CIMIP7: variants seen among roughly 807,000 people sequenced by gnomAD.
CIMIP7 encodes uncharacterized protein C3orf84.
chr3:49,181,645 A>G, the CIMIP7 span, among the ~76,000 whole-genome samples: 2 of 152,208 alleles, frequency 1.3e-5, no homozygotes, highest in African/African-American at 4.8e-5. Flanking sequence ...AGACTGGGAG[A>G]AAATATTTAT....
At chr3:49,181,722 G>A in the CIMIP7 span, among the ~76,000 whole-genome samples, 1 of 152,200 alleles carries the variant, frequency 6.6e-6, no homozygotes, top group Non-Finnish European at 1.5e-5. Context: ...TAAAATCACA[G>A]TCTAATTAGA....
chr3:49,185,132 A>C, the CIMIP7 span, among the ~76,000 whole-genome samples: 2 of 151,754 alleles, frequency 1.3e-5, no homozygotes, highest in African/African-American at 4.8e-5. Context: ...GTGGTGGTGC[A>C]TGCCTGTAAT....
At chr3:49,180,942 A>G in the CIMIP7 span, among the ~76,000 whole-genome samples, 1 of 151,242 alleles carries the variant, frequency 6.6e-6, no homozygotes, top group African/African-American at 2.4e-5. Flanking sequence ...AAAAAAAAAA[A>G]AAAAAAAAAG....
chr3:49,178,498 C>A, the CIMIP7 span: 19 of 1,613,650 alleles, frequency 1.2e-5, no homozygotes, highest in Non-Finnish European at 1.5e-5. Flanking sequence ...AAAGGAAGTA[C>A]GGTTGTCGTG....
At chr3:49,189,938 A>G in the CIMIP7 span, 2 of 950,766 alleles carry the variant, frequency 2.1e-6, no homozygotes, top group South Asian at 1.3e-5. Flanking sequence ...CAGTACAGCC[A>G]TGGAAGGGCT....
chr3:49,183,484 C>T, the CIMIP7 span, among the ~76,000 whole-genome samples: 2 of 152,196 alleles, frequency 1.3e-5, no homozygotes, highest in African/African-American at 4.8e-5. Flanking sequence ...GAGTTCAAGA[C>T]CAGCCTGGCC....
the CIMIP7 span, among the ~76,000 whole-genome samples, chr3:49,186,762 G>A: frequency 7.2e-5 from 11 of 151,978 alleles, no homozygotes; most frequent in Non-Finnish European, 1.5e-4. Context: ...ACGCACGCAC[G>A]CAGAAGTAAA....
At chr3:49,178,153 T>C in the CIMIP7 span, 2 of 1,145,980 alleles carry the variant, frequency 1.7e-6, no homozygotes, top group Non-Finnish European at 2.4e-6. Flanking sequence ...GTCCTATGCC[T>C]GGCTGTCTTG....
chr3:49,180,743 T>A, the CIMIP7 span, among the ~76,000 whole-genome samples: 1,445 of 142,470 alleles, frequency 0.01, 9 homozygotes, highest in African/African-American at 0.023. Context: ...ATCCTGGCTA[T>A]CATGGTGAAA....
At chr3:49,177,738 A>G in the CIMIP7 span, 2 of 1,609,694 alleles carry the variant, frequency 1.2e-6, no homozygotes, top group East Asian at 4.5e-5. Flanking sequence ...CTGGGAGGTC[A>G]GGCAGTACGT....
At chr3:49,185,995 A>G in the CIMIP7 span, among the ~76,000 whole-genome samples, 1 of 143,898 alleles carries the variant, frequency 6.9e-6, no homozygotes, top group East Asian at 2.0e-4. Context: ...ATAATTTTAT[A>G]GCTCTTTTTT....
At chr3:49,182,932 G>A in the CIMIP7 span, among the ~76,000 whole-genome samples, 1 of 152,202 alleles carries the variant, frequency 6.6e-6, no homozygotes, top group Non-Finnish European at 1.5e-5. Flanking sequence ...CTGAGCCCAT[G>A]CCCACCCGGA....
chr3:49,190,097 C>G, the CIMIP7 span: 1 of 1,609,802 alleles, frequency 6.2e-7, no homozygotes, highest in Non-Finnish European at 8.5e-7. Flanking sequence ...CACTTTCACT[C>G]TTGAATTGGC....
chr3:49,190,169 C>T, the CIMIP7 span: 2 of 1,497,662 alleles, frequency 1.3e-6, no homozygotes, highest in Admixed American at 3.6e-5. Flanking sequence ...GGATAAAACT[C>T]ACTCAAATCT....
At chr3:49,181,621 G>A in the CIMIP7 span, among the ~76,000 whole-genome samples, 2 of 152,180 alleles carry the variant, frequency 1.3e-5, no homozygotes, top group East Asian at 1.9e-4. Context: ...TCGTGCCACT[G>A]CGAACCAAGC....
At chr3:49,187,537 C>T in the CIMIP7 span, among the ~76,000 whole-genome samples, 1 of 152,062 alleles carries the variant, frequency 6.6e-6, no homozygotes, top group Admixed American at 6.5e-5. Flanking sequence ...TCCTGTCCAA[C>T]CTGAGGAACT....
At chr3:49,188,947 C>T in the CIMIP7 span, among the ~76,000 whole-genome samples, 2 of 151,514 alleles carry the variant, frequency 1.3e-5, no homozygotes, top group Non-Finnish European at 1.5e-5. Flanking sequence ...TACAGGTGTG[C>T]ATCACCATGC....
chr3:49,178,051 C>A, the CIMIP7 span: 1 of 1,591,752 alleles, frequency 6.3e-7, no homozygotes, highest in Non-Finnish European at 8.5e-7. Context: ...GCAATAGGGA[C>A]CCTCCTCAAC....
chr3:49,181,907 T>G, the CIMIP7 span, among the ~76,000 whole-genome samples: 3 of 152,312 alleles, frequency 2.0e-5, no homozygotes, highest in Middle Eastern at 3.4e-3. Flanking sequence ...AGTTTGTTCC[T>G]TCTGACGTTC....
Sources: allele counts gnomAD v4.1 joint callset (sites outside exome capture counted in the v4.1 genomes callset), GRCh38; gene constraint gnomAD v4.1.1; transcripts MANE v1.5; gene names NCBI Gene and HGNC (gene_info 2026-07-23, HGNC 2026-07-21).